The following ACSM2B variants were observed in gnomAD, a reference collection of about 807,000 sequenced individuals.
ACSM2B encodes acyl-coenzyme A synthetase ACSM2B, mitochondrial.
ACSM2B carries 58 observed loss-of-function variants against 78.6 expected under a neutral mutation model. The observed-to-expected ratio is 0.74, with a 90% confidence interval of 0.60 to 0.92. The LOEUF is 0.92. Ranked by LOEUF, ACSM2B falls within the 40% of genes least tolerant of loss-of-function variation. The pLI is 0.00. For synonymous variants in ACSM2B, 257 were observed against 256.8 expected (o/e 1.00, Z -0.01); for missense variants, 688 against 711.2 (o/e 0.97, Z 0.37).
Position 20,547,931 on chromosome 16 carries a change from C to T in ACSM2B, c.1098+131G>A, listed in dbSNP as rs1425391957. 28 of 1,530,984 alleles carry T rather than the reference C, an allele frequency of 1.8e-5. No homozygotes were observed. The South Asian group carries it at 2.4e-4, about 13-fold the overall frequency. 94.8% of individuals were successfully genotyped at this position (1,530,984 alleles called of 1,614,324 possible). On this transcript the variant is annotated intron_variant, in intron 8 of 13. Coordinates refer to ENST00000329697, the MANE Select transcript of ACSM2B (RefSeq NM_001105069.2). ...GAATTTTCAATACTCAGTACCTGTCCCTTCACAGAGGCTCAATAAATATTT... is the reference window on the plus strand; with the variant it reads ...GAATTTTCAATACTCAGTACCTGTCTCTTCACAGAGGCTCAATAAATATTT...
intron 2 of ACSM2B, among the ~76,000 whole-genome samples, chr16:20,560,580 C>T (rs1300793141): frequency 1.3e-5 from 2 of 152,076 alleles, no homozygotes; most frequent in Non-Finnish European, 2.9e-5. Context: ...AATTAAATCT[C>T]TTTTCTTTGT....
At chr16:20,542,702 T>C (rs1309455825) in intron 12 of ACSM2B, 1 of 626,234 alleles carries the variant, frequency 1.6e-6, no homozygotes, top group East Asian at 2.8e-5. Flanking sequence ...TATTAGCACA[T>C]TTAACCCTCA....
chr16:20,563,103 C>T (rs12708633), intron 2 of ACSM2B, among the ~76,000 whole-genome samples: 8,180 of 152,092 alleles, frequency 0.054, 748 homozygotes, highest in African/African-American at 0.19. Context: ...TGAGAAATAT[C>T]TCCCATCCTT....
chr16:20,548,497 A>T, intron 6 of ACSM2B, 24 bp from the exon 7 acceptor site: 1 of 1,613,440 alleles, frequency 6.2e-7, no homozygotes, highest in Non-Finnish European at 8.5e-7. Flanking sequence ...GCCAGGTGAG[A>T]CATTGGTCAC....
chr16:20,569,994 A>T (rs2016050309), intron 1 of ACSM2B, among the ~76,000 whole-genome samples: 2 of 151,808 alleles, frequency 1.3e-5, no homozygotes, highest in Non-Finnish European at 2.9e-5. Context: ...ATACAATCAT[A>T]TTAACAGCAA....
Position 20,548,447 on chromosome 16 carries a change from A to T in ACSM2B, c.921T>A (p.Ser307Arg). 1 of 1,613,546 alleles carries T rather than the reference A, an allele frequency of 6.2e-7. No individual in the cohort carries two copies. The highest frequency in any genetic ancestry group is 8.5e-7 in the Non-Finnish European group (1 of 1,179,688). Residue 307 changes from serine (S) to arginine (R), a missense_variant, in exon 7 of 14, where the codon AGT (serine) becomes AGA (arginine). Transcript: ENST00000329697. ...GGTAAACAATAGGGGCACCCATCATACTCTTGATTGGATAACTGGAGAGTG... is the reference window on the plus strand; with the variant it reads ...GGTAAACAATAGGGGCACCCATCATTCTCTTGATTGGATAACTGGAGAGTG... ...LKTLSSYPIKSMMGAPIVYRM... is the reference protein window; with the variant it reads ...LKTLSSYPIKRMMGAPIVYRM...
At chr16:20,555,181 C>A (rs2015432866) in intron 4 of ACSM2B, 88 bp downstream of exon 4, 2 of 1,589,426 alleles carry the variant, frequency 1.3e-6, no homozygotes, top group Middle Eastern at 3.4e-4. Context: ...GTTCTTCCTG[C>A]AACTCCTCAA....
intron 11 of ACSM2B, 58 bp from the exon 12 acceptor site, chr16:20,543,071 G>C: frequency 6.2e-7 from 1 of 1,612,750 alleles, no homozygotes; most frequent in Non-Finnish European, 8.5e-7. Flanking sequence ...GGCCATTCCG[G>C]AAGTCTGGAA....
chr16:20,545,047 G>A (rs552119413), intron 10 of ACSM2B, 110 bp downstream of exon 10: 1 of 1,386,240 alleles, frequency 7.2e-7, no homozygotes, highest in African/African-American at 1.4e-5. Context: ...GACACTCTTT[G>A]TCTCCATATC....
chr16:20,557,075 G>C (rs569294209), intron 3 of ACSM2B, among the ~76,000 whole-genome samples: 1 of 152,088 alleles, frequency 6.6e-6, no homozygotes, highest in South Asian at 2.1e-4. Context: ...GGAAACGGCA[G>C]TTTGTGAAAG....
At chr16:20,542,158 C>G (rs1261576546) in intron 12 of ACSM2B, 82 of 151,204 alleles carry the variant, frequency 5.4e-4, no homozygotes, top group African/African-American at 1.9e-3. Context: ...TGGTTGTTAA[C>G]TATAGTCACC....
At chr16:20,544,406 T>C (rs980366798) in intron 10 of ACSM2B, 3 of 310,526 alleles carry the variant, frequency 9.7e-6, no homozygotes, top group Admixed American at 6.5e-5. Flanking sequence ...AAAAACTTTA[T>C]AGGGTGGCTG....
chr16:20,540,233 T>TTTG (rs1555456771), intron 13 of ACSM2B, among the ~76,000 whole-genome samples: 71 of 147,642 alleles, frequency 4.8e-4, no homozygotes, highest in South Asian at 8.5e-4. Context: ...TGTTTTTTTT[T>TTTG]TTTGTTTGTT....
Position 20,564,811 on chromosome 16 carries a change from G to A in ACSM2B, c.35C>T (p.Thr12Ile), listed in dbSNP as rs2015773551. Residue 12 changes from threonine to isoleucine, a missense_variant, in exon 2 of 14, where the codon ACC (threonine) becomes ATC (isoleucine). Physicochemically the swap from Thr to Ile is moderately conservative, Grantham distance 89. Coordinates refer to ENST00000329697, the MANE Select transcript of ACSM2B (RefSeq NM_001105069.2). ...HWLRKVQGLC[T>I]LWGTQMSSRT... Reference sequence around the variant, plus strand: ...GCTGGACATCTGAGTACCCCACAGGGTGCAAAGTCCCTGAACTTTTCGCAG... The same window carrying A: ...GCTGGACATCTGAGTACCCCACAGGATGCAAAGTCCCTGAACTTTTCGCAG... The A allele has an allele frequency of 5.6e-6, 9 of 1,612,148 alleles. No homozygotes were observed. The highest frequency in any genetic ancestry group is 7.6e-6 in the Non-Finnish European group (9 of 1,178,840).
Position 20,552,195 on chromosome 16 carries a change from T to G in ACSM2B, c.843A>C (p.Ala281=). ...GSLLESWTLG[A]CTFVHLLPKF... is the part of the protein sequence containing the mutation. ...TTGGCAAGAGATGAACAAATGTGCA[T>G]GCTCCTAATGTCCAAGATTCCAAAA... The change falls in exon 6 of 14, where the codon GCA becomes GCC. Residue 281 remains alanine (A), a synonymous_variant. Coordinates refer to ENST00000329697, the MANE Select transcript of ACSM2B (RefSeq NM_001105069.2). 1 of 1,613,884 alleles carries G rather than the reference T, an allele frequency of 6.2e-7. No individual in the cohort carries two copies. The highest frequency in any genetic ancestry group is 8.5e-7 in the Non-Finnish European group (1 of 1,179,820).
chr16:20,565,547 T>C (rs1023668014), intron 1 of ACSM2B, among the ~76,000 whole-genome samples: 15 of 152,106 alleles, frequency 9.9e-5, no homozygotes, highest in Non-Finnish European at 7.4e-5. Context: ...GTAGCAAATG[T>C]TAACTAATAC....
chr16:20,545,257 A>G lies in ACSM2B; in HGVS notation c.1181T>C (p.Val394Ala). 1 of 1,612,878 alleles carries G rather than the reference A, an allele frequency of 6.2e-7. No homozygotes were observed. The highest frequency in any genetic ancestry group is 8.5e-7 in the Non-Finnish European group (1 of 1,179,190). Residue 394 changes from valine (V) to alanine (A), a missense_variant and splice_region_variant, in exon 10 of 14, where the codon GTT (valine) becomes GCT (alanine). Transcript: ENST00000329697. ...GTAASCYDVQVIDDKGNVLPP... is the reference protein window; with the variant it reads ...GTAASCYDVQAIDDKGNVLPP... ...CAGGACGTTGCCCTTATCATCTATA[A>G]CCTGGAGAAAGAAGCATATTGGAAG...
intron 1 of ACSM2B, among the ~76,000 whole-genome samples, chr16:20,567,604 A>G (rs1453496551): frequency 1.5e-5 from 2 of 135,666 alleles, no homozygotes; most frequent in African/African-American, 5.4e-5. Flanking sequence ...TAAGATATAT[A>G]ATATATAATA....
intron 12 of ACSM2B, chr16:20,542,565 G>C (rs935095188): frequency 4.9e-5 from 14 of 284,512 alleles, no homozygotes; most frequent in African/African-American, 2.4e-4. Context: ...TAACATGGGA[G>C]TGTAGACATC....
Sources: allele counts gnomAD v4.1 joint callset (sites outside exome capture counted in the v4.1 genomes callset), GRCh38; gene constraint gnomAD v4.1.1; transcripts MANE v1.5; gene names NCBI Gene and HGNC (gene_info 2026-07-23, HGNC 2026-07-21).